The following KIDINS220 variants were observed in gnomAD, a reference collection of about 807,000 sequenced individuals.
KIDINS220 encodes the protein kinase D-interacting substrate of 220 kDa.
In KIDINS220, 63 loss-of-function variants were observed where a neutral mutation model predicts 157.6. The ratio of observed to expected loss-of-function variants is 0.40; its 90% CI spans 0.33 to 0.49. KIDINS220 has a LOEUF of 0.49. Ranked by LOEUF, KIDINS220 falls within the 20% of genes least tolerant of loss-of-function variation. The pLI, the probability that KIDINS220 is intolerant of heterozygous loss-of-function variation, is 0.66. For synonymous variants in KIDINS220, 732 were observed against 783.6 expected, an observed-to-expected ratio of 0.93 and a Z score of 1.10; for missense variants, 1,772 against 2,171.2, an observed-to-expected ratio of 0.82 and a Z score of 3.65.
chr2:8,723,653 G>C (rs1663101468), downstream of KIDINS220: 1 of 152,232 alleles, frequency 6.6e-6, no homozygotes, highest in African/African-American at 2.4e-5. Context: ...TGTCACTGAA[G>C]ATAACTAGCC....
chr2:8,792,227 A>G (rs1277250073), intron 12 of KIDINS220, among the ~76,000 whole-genome samples: 1 of 152,204 alleles, frequency 6.6e-6, no homozygotes, highest in Non-Finnish European at 1.5e-5. Context: ...ATGTAATACT[A>G]AGGCCAGAAC....
chr2:8,810,228 C>T (rs61172846), intron 6 of KIDINS220, among the ~76,000 whole-genome samples: 19,426 of 152,204 alleles, frequency 0.13, 1,313 homozygotes, highest in Middle Eastern at 0.26. Context: ...AGTCACCTGA[C>T]CCTGGGCCTT....
chr2:8,759,343 T>C (rs190589213), intron 22 of KIDINS220, among the ~76,000 whole-genome samples: 1 of 152,102 alleles, frequency 6.6e-6, no homozygotes, highest in Non-Finnish European at 1.5e-5. Flanking sequence ...AAGTTATTAT[T>C]TCACTTACTA....
At chr2:8,723,020 A>C (rs1422297540), downstream of KIDINS220, 1 of 152,242 alleles carries the variant, frequency 6.6e-6, no homozygotes. Flanking sequence ...AAGTAAACTT[A>C]AGAGATGTCA....
In KIDINS220 at chr2:8,730,413, G is replaced by A. The variant is rs528645365; in HGVS notation, c.*307C>T. 3.5e-3 allele frequency: 4,050 copies of A among 1,143,314 alleles called. 14 individuals carry two copies. Among genetic ancestry groups the A allele is most frequent in the South Asian group, 5.2e-3 (139 of 26,706 alleles). The allele number at this position is 1,143,314 out of a possible 1,614,324, so 70.8% of individuals were successfully genotyped here. A position where few individuals can be genotyped will look rare whatever the true frequency, so the allele number is the denominator to read the frequency against. On this transcript the variant is annotated 3_prime_UTR_variant, in exon 30 of 30. Transcript: ENST00000256707. ...ACATTAAGCCCTTTAAAATACTTCT[G>A]ACCTATCTTTATACTCAGATCTCAC... is the stretch of plus-strand genomic sequence containing the variant.
rs1680613953 is a variant in KIDINS220 at position 8,837,548 on chromosome 2, G to GACGGCGACTGCAAGC, written c.-120_-106dup. 6.6e-6 allele frequency: 1 copy of GACGGCGACTGCAAGC among 152,330 alleles called. No homozygotes were observed. Among genetic ancestry groups the GACGGCGACTGCAAGC allele is most frequent in the East Asian group, 1.9e-4 (1 of 5,186 alleles). The allele number at this position is 152,330 out of a possible 1,614,324, so 9.4% of individuals were successfully genotyped here. A position where few individuals can be genotyped will look rare whatever the true frequency, so the allele number is the denominator to read the frequency against. ...GATGTCAGAGGACGGGGAAGCAAGA[G>GACGGCGACTGCAAGC]ACGGCGACTGCAAGCGCGTCGCCCT... On this transcript the variant is annotated 5_prime_UTR_variant, in exon 1 of 30. Transcript: ENST00000256707.
chr2:8,825,604 T>C (rs576291276), intron 2 of KIDINS220: 1 of 152,184 alleles, frequency 6.6e-6, no homozygotes, highest in South Asian at 2.1e-4. Flanking sequence ...CATACACATA[T>C]AGTGTAAAAT....
chr2:8,721,148 T>C (rs192065059), downstream of KIDINS220: 18 of 152,256 alleles, frequency 1.2e-4, no homozygotes, highest in Admixed American at 4.6e-4. Flanking sequence ...TTTTAAAATG[T>C]ATATATTACT....
At chr2:8,788,597 T>A in intron 15 of KIDINS220, 50 bp downstream of exon 15, 2 of 1,566,274 alleles carry the variant, frequency 1.3e-6, no homozygotes, top group Non-Finnish European at 1.7e-6. Flanking sequence ...TGAAAAATAT[T>A]TTTTTCTGAA....
chr2:8,837,259 C>T (rs1680554922), intron 1 of KIDINS220, among the ~76,000 whole-genome samples: 1 of 152,166 alleles, frequency 6.6e-6, no homozygotes, highest in Non-Finnish European at 1.5e-5. Flanking sequence ...ACCTTCCCGG[C>T]GCTCCAGGAA....
rs575689021 is a variant in KIDINS220, at chr2:8,767,887, C to T, written c.3011+2783G>A. ...TTGTCTGTACAGCAAATTGCTACTTCAATGAAATGGAAAATGGCTACTATT... is the reference window on the plus strand; with the variant it reads ...TTGTCTGTACAGCAAATTGCTACTTTAATGAAATGGAAAATGGCTACTATT... On this transcript the variant is annotated intron_variant, in intron 22 of 29. Coordinates refer to ENST00000256707, the MANE Select transcript of KIDINS220 (RefSeq NM_020738.4). Among the ~76,000 whole-genome samples the T allele has an allele frequency of 5.3e-5, 8 of 152,306 alleles. No homozygotes were observed. The East Asian group carries it at 1.3e-3, about 26-fold the overall frequency.
chr2:8,782,447 G>T (rs937104108), intron 17 of KIDINS220, among the ~76,000 whole-genome samples: 1 of 152,198 alleles, frequency 6.6e-6, no homozygotes, highest in Non-Finnish European at 1.5e-5. Context: ...TGATAACTTA[G>T]ATAAACAGAC....
chr2:8,832,040 A>G (rs886159168), intron 1 of KIDINS220, among the ~76,000 whole-genome samples: 2 of 152,202 alleles, frequency 1.3e-5, no homozygotes. Flanking sequence ...AAGATTTTAA[A>G]TATCCAATTG....
At chr2:8,761,338 T>C (rs1024330169) in intron 22 of KIDINS220, among the ~76,000 whole-genome samples, 8 of 152,192 alleles carry the variant, frequency 5.3e-5, no homozygotes, top group Admixed American at 2.0e-4. Flanking sequence ...ATCTTTATTA[T>C]GCAAGTTCTC....
rs779453088 is a variant in KIDINS220, at chr2:8,786,305, G to C, written c.1840C>G (p.Leu614Val). 3 of 1,614,096 alleles carry C rather than the reference G, an allele frequency of 1.9e-6. No individual in the cohort carries two copies. The highest frequency in any genetic ancestry group is 2.5e-6 in the Non-Finnish European group (3 of 1,179,974). Reference sequence around the variant, plus strand: ...GAGAGGGTTGCAATCATTTCAGCCAGAGAAGTTTCTCCACCTACACTGGAC... The same window carrying C: ...GAGAGGGTTGCAATCATTTCAGCCACAGAAGTTTCTCCACCTACACTGGAC... ...RLSSVGGETS[L>V]AEMIATLSDA... Residue 614 changes from leucine (L) to valine (V), a missense_variant, in exon 16 of 30, where the codon CTG becomes GTG. Leu to Val is a conservative substitution (Grantham distance 32). Transcript: ENST00000256707.
chr2:8,782,560 C>A (rs994354390), intron 17 of KIDINS220, among the ~76,000 whole-genome samples: 1 of 152,108 alleles, frequency 6.6e-6, no homozygotes, highest in Non-Finnish European at 1.5e-5. Flanking sequence ...AAGCACCAGG[C>A]CCAGAGGGTT....
At chr2:8,745,453 C>T (rs756217003) in intron 26 of KIDINS220, among the ~76,000 whole-genome samples, 14 of 152,288 alleles carry the variant, frequency 9.2e-5, no homozygotes, top group Middle Eastern at 3.4e-3. Context: ...AGCACCACAA[C>T]GGTTCTCTTT....
At position 8,731,476 on chromosome 2, in the gene KIDINS220, T is replaced by G; in HGVS notation, c.4560A>C (p.Pro1520=). The G allele has an allele frequency of 6.2e-7, 1 of 1,614,168 alleles. No individual in the cohort carries two copies. The highest frequency in any genetic ancestry group is 1.3e-5 in the African/African-American group (1 of 75,020). The part of the protein sequence containing the change: ...KGSGLRYQKL[P]SDEDESGTEE... Reference sequence around the variant, plus strand: ...CTGTGCCAGATTCATCCTCGTCACTTGGGAGTTTTTGATAGCGCAGCCCAC... The same window carrying G: ...CTGTGCCAGATTCATCCTCGTCACTGGGGAGTTTTTGATAGCGCAGCCCAC... Residue 1520 remains proline (P), a synonymous_variant, in exon 30 of 30, where the codon CCA becomes CCC. Transcript: ENST00000256707. This position sits in a 1 kb window ranked among gnomAD's most constrained non-coding sequence, Gnocchi z 5.2.
At chr2:8,726,253 GCCCCA>G (rs1485182182), downstream of KIDINS220, among the ~76,000 whole-genome samples, 1 of 152,038 alleles carries the variant, frequency 6.6e-6, no homozygotes, top group Non-Finnish European at 1.5e-5. Flanking sequence ...AGCTACCCGG[GCCCCA>G]CTCAAAAAGG....
Sources: allele counts gnomAD v4.1 joint callset (sites outside exome capture counted in the v4.1 genomes callset), GRCh38; gene constraint gnomAD v4.1.1; non-coding constraint Gnocchi (gnomAD v3.1); transcripts MANE v1.5; gene names NCBI Gene and HGNC (gene_info 2026-07-23, HGNC 2026-07-21).